Variants in RECK observed in about 807,000 individuals in gnomAD.
RECK encodes reversion inducing cysteine rich protein with kazal motifs.
In RECK, 69 loss-of-function variants were observed where a neutral mutation model predicts 115.1. That is an observed-to-expected ratio of 0.60 (90% CI 0.49 to 0.73). RECK has a LOEUF of 0.73. Ranked by LOEUF, RECK falls within the 30% of genes least tolerant of loss-of-function variation. The pLI, the probability that RECK is intolerant of heterozygous loss-of-function variation, is 0.00. For synonymous variants in RECK, 414 were observed against 419.7 expected, an observed-to-expected ratio of 0.99 and a Z score of 0.17; for missense variants, 1,047 against 1,203.7, an observed-to-expected ratio of 0.87 and a Z score of 1.93.
In RECK at chr9:36,122,881, C is replaced by T; in HGVS notation, c.2752C>T (p.Pro918Ser). 1 of 1,614,174 alleles carries T rather than the reference C, an allele frequency of 6.2e-7. No individual in the cohort carries two copies. Residue 918 changes from proline (P) to serine (S), a missense_variant, in exon 21 of 21, where the codon CCG becomes TCG. Coordinates refer to ENST00000377966, the MANE Select transcript of RECK (RefSeq NM_021111.3). Reference sequence around the variant, plus strand: ...TGAGTCCCTTATCAACTCTGACAGCCCGACTTTGGCGTCCCATGTCCCTCT... The same window carrying T: ...TGAGTCCCTTATCAACTCTGACAGCTCGACTTTGGCGTCCCATGTCCCTCT... ...KIESLINSDS[P>S]TLASHVPLSA...
intron 12 of RECK, among the ~76,000 whole-genome samples, chr9:36,103,628 T>C (rs1823648326): frequency 6.6e-6 from 1 of 152,248 alleles, no homozygotes; most frequent in South Asian, 2.1e-4. Context: ...GAGAAAAGTA[T>C]GTGCTGGATT....
rs368499474 is a variant in RECK at position 36,039,061 on chromosome 9, C to A, written c.100+1963C>A. Reference sequence around the variant, plus strand: ...TTGCTCATAAAATTCTTTTTTTCTTCATAACACCTAAAGCGCACTTCAGAA... The same window carrying A: ...TTGCTCATAAAATTCTTTTTTTCTTAATAACACCTAAAGCGCACTTCAGAA... On this transcript the variant is annotated intron_variant, in intron 1 of 20. Coordinates refer to ENST00000377966, the MANE Select transcript of RECK (RefSeq NM_021111.3). Among the ~76,000 whole-genome samples the A allele has an allele frequency of 1.1e-4, 17 of 151,962 alleles. 1 individual carries two copies. In the South Asian group the frequency reaches 2.5e-3, roughly 22 times the overall value.
intron 1 of RECK, among the ~76,000 whole-genome samples, chr9:36,044,235 A>G (rs1820991855): frequency 1.3e-5 from 2 of 148,218 alleles, no homozygotes; most frequent in Admixed American, 1.3e-4. Context: ...TTTTTTTTGC[A>G]GCTATTATAA....
chr9:36,111,424 GC>G (rs1186015205), intron 15 of RECK, among the ~76,000 whole-genome samples: 2 of 152,222 alleles, frequency 1.3e-5, no homozygotes, highest in East Asian at 3.9e-4. Flanking sequence ...AAGGAGCTTT[GC>G]TTTTGTTGCC....
intron 1 of RECK, among the ~76,000 whole-genome samples, chr9:36,038,489 C>A (rs1214891134): frequency 1.3e-5 from 2 of 152,156 alleles, no homozygotes; most frequent in African/African-American, 4.8e-5. Flanking sequence ...TTATGAAATA[C>A]TAGTTGTCCA....
intron 4 of RECK, among the ~76,000 whole-genome samples, chr9:36,061,403 C>T (rs1244264154): frequency 1.4e-5 from 2 of 139,672 alleles, no homozygotes; most frequent in Admixed American, 1.5e-4. Flanking sequence ...TACACACACA[C>T]ACACACACAC....
chr9:36,056,294 C>T (rs1821524212), intron 2 of RECK, among the ~76,000 whole-genome samples: 1 of 151,638 alleles, frequency 6.6e-6, no homozygotes, highest in African/African-American at 2.4e-5. Flanking sequence ...ATGTAATATT[C>T]AAAAATCTAG....
intron 16 of RECK, among the ~76,000 whole-genome samples, chr9:36,114,580 T>C (rs1277439615): frequency 2.0e-5 from 3 of 152,112 alleles, no homozygotes; most frequent in African/African-American, 7.2e-5. Context: ...AATAAGAAAG[T>C]GGTAGCTCAC....
intron 6 of RECK, among the ~76,000 whole-genome samples, chr9:36,077,130 A>G (rs973844958): frequency 3.3e-5 from 5 of 152,152 alleles, no homozygotes; most frequent in African/African-American, 1.2e-4. Context: ...TTCTTGACTA[A>G]CATGAGTAGG....
intron 15 of RECK, among the ~76,000 whole-genome samples, chr9:36,111,856 C>G (rs953135827): frequency 6.6e-6 from 1 of 151,832 alleles, no homozygotes; most frequent in East Asian, 1.9e-4. Flanking sequence ...GGATCAAAGT[C>G]TAGGGGGCCC....
intron 6 of RECK, among the ~76,000 whole-genome samples, chr9:36,069,536 T>C (rs1375749964): frequency 6.9e-6 from 1 of 145,976 alleles, no homozygotes; most frequent in Non-Finnish European, 1.5e-5. Flanking sequence ...TCAAAGAGAA[T>C]TTCCAGAACA....
chr9:36,040,239 G>A (rs1338030512), intron 1 of RECK, among the ~76,000 whole-genome samples: 1 of 152,126 alleles, frequency 6.6e-6, no homozygotes, highest in Non-Finnish European at 1.5e-5. Flanking sequence ...ATGCCATGAA[G>A]GAACTAAACC....
chr9:36,100,213 A>G, intron 10 of RECK, 118 bp from the exon 11 acceptor site: 3 of 704,480 alleles, frequency 4.3e-6, no homozygotes, highest in Admixed American at 2.6e-5. Flanking sequence ...CATGGGTTGT[A>G]TGTGCTTTCT....
chr9:36,082,152 T>TTCTCTCTCTCTCTTTCTCTCTCTC (rs373078886), intron 7 of RECK, among the ~76,000 whole-genome samples: 42 of 113,710 alleles, frequency 3.7e-4, no homozygotes, highest in African/African-American at 1.3e-3. Flanking sequence ...CCTCCCTGCT[T>TTCTCTCTCTCTCTTTCTCTCTCTC]TCTCTCTCTC....
At chr9:36,061,341 C>T (rs1821753600) in intron 4 of RECK, among the ~76,000 whole-genome samples, 1 of 148,508 alleles carries the variant, frequency 6.7e-6, no homozygotes, top group Non-Finnish European at 1.5e-5. Flanking sequence ...CACCTCCTTG[C>T]CTGTCTCCTA....
chr9:36,056,607 T>C (rs1352157500), intron 2 of RECK, among the ~76,000 whole-genome samples: 2 of 152,184 alleles, frequency 1.3e-5, no homozygotes, highest in East Asian at 3.8e-4. Flanking sequence ...ATGATGAAAA[T>C]ATTCTAGACC....
chr9:36,093,581 A>T (rs1823240230), intron 10 of RECK, among the ~76,000 whole-genome samples: 2 of 152,304 alleles, frequency 1.3e-5, no homozygotes, highest in Middle Eastern at 3.4e-3. Flanking sequence ...GACCTCGGAG[A>T]TTGCTCAATA....
intron 1 of RECK, among the ~76,000 whole-genome samples, chr9:36,040,044 G>C (rs1392121896): frequency 1.3e-5 from 2 of 151,740 alleles, no homozygotes; most frequent in Non-Finnish European, 2.9e-5. Flanking sequence ...TTATAAATGT[G>C]GTTTTTAAAA....
At position 36,112,819 on chromosome 9, in the gene RECK, T is replaced by G. The variant is rs1338094966; in HGVS notation, c.2060+343T>G. On this transcript the variant is annotated intron_variant, in intron 16 of 20. Transcript: ENST00000377966. ...AAGGCAGACTAACAAGAGTCATGGC[T>G]GCTGGAAATGTTATCTCCGTAACAT... Among the ~76,000 whole-genome samples the G allele has an allele frequency of 2.0e-5, 3 of 152,200 alleles. No individual in the cohort carries two copies. In the East Asian group the frequency reaches 5.8e-4, roughly 29 times the overall value.
Sources: gnomAD v4.1 joint callset for allele counts (sites outside exome capture counted in the v4.1 genomes callset) on GRCh38, gnomAD v4.1.1 for gene constraint, MANE v1.5 for transcripts, NCBI Gene and HGNC (gene_info 2026-07-23, HGNC 2026-07-21) for gene names.